The following TCF7L2 variants were observed in gnomAD, a reference collection of about 807,000 sequenced individuals.
TCF7L2 encodes transcription factor 7-like 2.
Under a neutral mutation model 77.9 loss-of-function variants are expected in TCF7L2, and 23 were observed. The observed-to-expected ratio is 0.30, with a 90% CI of 0.21 to 0.42. TCF7L2 has a LOEUF of 0.42. Among genes scored for constraint, TCF7L2 ranks in the 10% least tolerant of loss-of-function variants. The pLI is 1.00. For synonymous variants in TCF7L2, 413 were observed against 340.2 expected (o/e 1.21, Z -2.36); for missense variants, 654 against 793.1 (o/e 0.82, Z 2.11).
At chr10:113,085,468 T>C (rs1228789712) in intron 5 of TCF7L2, among the ~76,000 whole-genome samples, 2 of 152,172 alleles carry the variant, frequency 1.3e-5, no homozygotes, top group African/African-American at 2.4e-5. Context: ...TCTATACTTG[T>C]TCATTTTTAA....
At chr10:113,158,415 G>T (rs986483714) in intron 12 of TCF7L2, among the ~76,000 whole-genome samples, 1 of 152,058 alleles carries the variant, frequency 6.6e-6, no homozygotes, top group African/African-American at 2.4e-5. Flanking sequence ...TGAGGAGGGG[G>T]CGGGGCTTAG....
At chr10:113,131,325 G>GT (rs2066568687) in intron 5 of TCF7L2, among the ~76,000 whole-genome samples, 1 of 152,176 alleles carries the variant, frequency 6.6e-6, no homozygotes, top group Admixed American at 6.5e-5. Flanking sequence ...CTCGTTGAGC[G>GT]TAAAATAATG....
At position 113,082,389 on chromosome 10, in the gene TCF7L2, T is replaced by TA. The variant is rs1564869681; in HGVS notation, c.552+42270dup. On this transcript the variant is annotated intron_variant, in intron 5 of 13. Transcript: ENST00000627217. Reference sequence around the variant, plus strand: ...CCTGTACTGTTTATGATACAACAATTAAAAAAATCTTATTTCCAATTTCTC... The same window carrying TA: ...CCTGTACTGTTTATGATACAACAATTAAAAAAAATCTTATTTCCAATTTCTC... Among the ~76,000 whole-genome samples the TA allele has an allele frequency of 2.0e-5, 3 of 152,082 alleles. No homozygotes were observed. The South Asian group carries it at 6.2e-4, about 32-fold the overall frequency.
chr10:113,067,007 G>C (rs755515954), intron 5 of TCF7L2, among the ~76,000 whole-genome samples: 7 of 152,220 alleles, frequency 4.6e-5, no homozygotes, highest in Non-Finnish European at 7.3e-5. Flanking sequence ...ATATACTGCT[G>C]TTCTTGTGTA....
At chr10:113,096,997 C>T (rs991712448) in intron 5 of TCF7L2, among the ~76,000 whole-genome samples, 3 of 152,134 alleles carry the variant, frequency 2.0e-5, no homozygotes, top group African/African-American at 4.8e-5. Flanking sequence ...CAAGCTTAGC[C>T]TGAGCCCCGC....
intron 5 of TCF7L2, among the ~76,000 whole-genome samples, chr10:113,118,520 G>GGTGTGTGTGT (rs34806588): frequency 6.6e-4 from 94 of 141,520 alleles, no homozygotes; most frequent in Admixed American, 1.8e-3. Flanking sequence ...TCATCTGGGG[G>GGTGTGTGTGT]GTGTGTGTGT....
chr10:113,121,978 C>T (rs12767895), intron 5 of TCF7L2, among the ~76,000 whole-genome samples: 44,422 of 152,110 alleles, frequency 0.29, 7,124 homozygotes, highest in Non-Finnish European at 0.36. Context: ...GTAACACAAT[C>T]ATTACATAAC....
intron 5 of TCF7L2, among the ~76,000 whole-genome samples, chr10:113,058,197 C>T (rs1397056233): frequency 6.6e-6 from 1 of 152,186 alleles, no homozygotes; most frequent in Admixed American, 6.5e-5. Context: ...TTGTGACTGC[C>T]CAACAGGGCT....
chr10:113,155,516 C>G lies in TCF7L2; in HGVS notation c.1270-2505C>G, dbSNP rs571560929. On this transcript the variant is annotated intron_variant, in intron 11 of 13. Transcript: ENST00000627217. ...CACAATCCCTGTCCTCCAGAAGTCT[C>G]TAGTCTAAATGACAACTTCTTCAGT... Among the ~76,000 whole-genome samples, 63 of 152,310 alleles carry G rather than the reference C, an allele frequency of 4.1e-4. 1 individual carries two copies. The highest frequency in any genetic ancestry group is 8.5e-4 in the Non-Finnish European group (58 of 68,016).
At chr10:113,049,858 G>A (rs1385269623) in intron 5 of TCF7L2, among the ~76,000 whole-genome samples, 1 of 152,186 alleles carries the variant, frequency 6.6e-6, no homozygotes, top group Non-Finnish European at 1.5e-5. Flanking sequence ...TTCGAGTGGA[G>A]CTTTTGTGCT....
chr10:113,159,108 G>A (rs1421078687), intron 12 of TCF7L2, among the ~76,000 whole-genome samples: 2 of 150,438 alleles, frequency 1.3e-5, no homozygotes, highest in East Asian at 1.9e-4. Flanking sequence ...GTTTTCTCAC[G>A]CAAGCATGCA....
Position 112,950,690 on chromosome 10 carries a change from G to T in TCF7L2, c.-67G>T. ...TGGGGGGGCAAAACTTTTTGGGGGT[G>T]ATTTTTTTTGGCTTTTCTTCCTCCT... On this transcript the variant is annotated 5_prime_UTR_variant, in exon 1 of 14. Transcript: ENST00000627217. 1 of 1,510,634 alleles carries T rather than the reference G, an allele frequency of 6.6e-7. No individual in the cohort carries two copies. The highest frequency in any genetic ancestry group is 1.3e-5 in the South Asian group (1 of 78,910). The allele number at this position is 1,510,634 out of a possible 1,614,324, so 93.6% of individuals were successfully genotyped here. A position where few individuals can be genotyped will look rare whatever the true frequency, so the allele number is the denominator to read the frequency against.
intron 4 of TCF7L2, among the ~76,000 whole-genome samples, chr10:113,012,718 C>A (rs2046663909): frequency 6.6e-6 from 1 of 152,158 alleles, no homozygotes; most frequent in South Asian, 2.1e-4. Flanking sequence ...CCTGGCTAAA[C>A]CATTCATTTC....
intron 5 of TCF7L2, among the ~76,000 whole-genome samples, chr10:113,090,066 C>T (rs569299958): frequency 6.6e-6 from 1 of 152,328 alleles, no homozygotes; most frequent in East Asian, 1.9e-4. Context: ...AGATGTTGCT[C>T]TCCAAGGACA....
intron 3 of TCF7L2, among the ~76,000 whole-genome samples, chr10:112,956,934 G>A (rs189643045): frequency 4.6e-5 from 7 of 152,126 alleles, no homozygotes; most frequent in East Asian, 1.9e-4. Context: ...TCCCTTCTCC[G>A]CTGACCCCCA....
chr10:113,165,920 T>A lies in TCF7L2; in HGVS notation c.1757T>A (p.Leu586Gln), dbSNP rs1293961103. The stretch of plus-strand genomic sequence containing the variant: ...TCTTCCTTACATTCCCACAGCTCCC[T>A]GGCCGGGACCCAGCCCCAGCCGCTG... Residue 586 changes from leucine (L) to glutamine (Q), a missense_variant, in exon 14 of 14, where the codon CTG becomes CAG. By Grantham distance (113) the Leu-to-Gln change is moderately radical. This residue lies in a region of TCF7L2 where 272 missense variants were observed against 215.4 expected (regional missense o/e 1.26). Coordinates refer to ENST00000627217, the MANE Select transcript of TCF7L2 (RefSeq NM_001146274.2). The A allele has an allele frequency of 6.4e-7, 1 of 1,572,062 alleles. No homozygotes were observed. The highest frequency in any genetic ancestry group is 8.6e-7 in the Non-Finnish European group (1 of 1,156,914).
intron 3 of TCF7L2, among the ~76,000 whole-genome samples, chr10:112,961,318 G>A (rs918707880): frequency 1.4e-5 from 2 of 143,938 alleles, no homozygotes; most frequent in Admixed American, 7.7e-5. Context: ...CATCGTGCCC[G>A]GCCAGAACCT....
At chr10:112,987,138 A>G (rs1209713357) in intron 4 of TCF7L2, among the ~76,000 whole-genome samples, 1 of 152,202 alleles carries the variant, frequency 6.6e-6, no homozygotes, top group South Asian at 2.1e-4. Context: ...CTGGTAGCTA[A>G]GAACTATTCG....
At chr10:112,952,617 G>A (rs1003011572) in intron 3 of TCF7L2, among the ~76,000 whole-genome samples, 1 of 152,198 alleles carries the variant, frequency 6.6e-6, no homozygotes, top group African/African-American at 2.4e-5. Context: ...CCCCAGGGGG[G>A]CCAGAGACCA....
Sources: gnomAD v4.1 joint callset for allele counts (sites outside exome capture counted in the v4.1 genomes callset) on GRCh38, gnomAD v4.1.1 for gene constraint, gnomAD v4.1.1 regional missense constraint, MANE v1.5 for transcripts, NCBI Gene and HGNC (gene_info 2026-07-23, HGNC 2026-07-21) for gene names.